Variants in SEC24D observed in about 807,000 individuals in gnomAD.
SEC24D encodes the protein protein transport protein Sec24D.
Under a neutral mutation model 116.9 loss-of-function variants are expected in SEC24D, and 69 were observed. The ratio of observed to expected loss-of-function variants is 0.59; its 90% CI spans 0.49 to 0.72. The LOEUF (loss-of-function observed/expected upper bound fraction) is 0.72, where lower values mean the gene tolerates loss of function less well. SEC24D is among the 30% of genes least tolerant of loss of function. The pLI is 0.00. For synonymous variants in SEC24D, 405 were observed against 442.8 expected, an observed-to-expected ratio of 0.91 and a Z score of 1.07; for missense variants, 1,131 against 1,264.1, an observed-to-expected ratio of 0.89 and a Z score of 1.60.
chr4:118,723,751 T>C, intron 22 of SEC24D, 96 bp from the exon 23 acceptor site: 2 of 1,321,612 alleles, frequency 1.5e-6, no homozygotes, highest in South Asian at 2.8e-5. Context: ...CAAACATTAT[T>C]GAATGCCCAT....
chr4:118,789,228 AG>A (rs1728785984), intron 8 of SEC24D, among the ~76,000 whole-genome samples: 1 of 152,240 alleles, frequency 6.6e-6, no homozygotes, highest in Non-Finnish European at 1.5e-5. Flanking sequence ...CTATTACATA[AG>A]CTGCTATCTT....
chr4:118,723,788 G>A, intron 22 of SEC24D, 133 bp from the exon 23 acceptor site: 1 of 968,346 alleles, frequency 1.0e-6, no homozygotes, highest in East Asian at 2.6e-5. Context: ...GAGGATGATG[G>A]GAAAGTGCCT....
chr4:118,781,010 T>C (rs1404352850), intron 8 of SEC24D, among the ~76,000 whole-genome samples: 2 of 149,606 alleles, frequency 1.3e-5, no homozygotes, highest in Non-Finnish European at 1.5e-5. Context: ...GAAATGGGTC[T>C]CCTGAATACA....
At chr4:118,758,327 C>T (rs1014255228) in intron 10 of SEC24D, 1 of 152,248 alleles carries the variant, frequency 6.6e-6, no homozygotes, top group African/African-American at 2.4e-5. Flanking sequence ...CTTCTATCAA[C>T]TCTTTCCATT....
At chr4:118,740,637 A>C in intron 17 of SEC24D, 26 bp downstream of exon 17, 1 of 1,609,686 alleles carries the variant, frequency 6.2e-7, no homozygotes, top group Non-Finnish European at 8.5e-7. Context: ...TAAAATAACG[A>C]AAGGTGGGAA....
At chr4:118,816,818 T>G (rs1288345126) in intron 4 of SEC24D, 2 of 455,916 alleles carry the variant, frequency 4.4e-6, no homozygotes, top group Non-Finnish European at 8.8e-6. Context: ...CTTTTCTGCC[T>G]CACAACATCT....
At chr4:118,761,410 T>C (rs1411328607) in intron 10 of SEC24D, among the ~76,000 whole-genome samples, 1 of 152,154 alleles carries the variant, frequency 6.6e-6, no homozygotes, top group African/African-American at 2.4e-5. Context: ...CAAACATGTA[T>C]AAAAACCTAA....
Position 118,817,134 on chromosome 4 carries a change from A to ATACATAT in SEC24D, c.397+129_397+130insATATGTA. On this transcript the variant is annotated intron_variant, in intron 4 of 22. Coordinates refer to ENST00000280551, the MANE Select transcript of SEC24D (RefSeq NM_014822.4). ...TACATAAGATAGATGCTTTATTATTAAAAATGTCCAAATACTACTTCAACA... is the reference window on the plus strand; with the variant it reads ...TACATAAGATAGATGCTTTATTATTATACATATAAAATGTCCAAATACTACTTCAACA... The ATACATAT allele has an allele frequency of 4.1e-6, 3 of 725,862 alleles. No homozygotes were observed. In the South Asian group the frequency reaches 6.9e-5, roughly 17 times the overall value. 45.0% of individuals were successfully genotyped at this position (725,862 alleles called of 1,614,324 possible).
At chr4:118,825,090 T>C (rs541264847) in intron 2 of SEC24D, among the ~76,000 whole-genome samples, 1 of 152,316 alleles carries the variant, frequency 6.6e-6, no homozygotes, top group Non-Finnish European at 1.5e-5. Flanking sequence ...AAATGGCAGT[T>C]AGATATCAGA....
At chr4:118,745,566 C>T (rs1578392700) in intron 13 of SEC24D, among the ~76,000 whole-genome samples, 2 of 152,208 alleles carry the variant, frequency 1.3e-5, no homozygotes, top group East Asian at 3.9e-4. Flanking sequence ...CAGTAGACAA[C>T]AGGAACCAGC....
At chr4:118,791,379 T>C (rs941290578) in intron 8 of SEC24D, among the ~76,000 whole-genome samples, 2 of 152,246 alleles carry the variant, frequency 1.3e-5, no homozygotes, top group Non-Finnish European at 2.9e-5. Flanking sequence ...TTTTGCATCC[T>C]AGCTTTGCTA....
In SEC24D at chr4:118,723,474, A is replaced by T. The variant is rs1279082994; in HGVS notation, c.*41T>A. 3.2e-6 allele frequency: 5 copies of T among 1,581,674 alleles called. No homozygotes were observed. The highest frequency in any genetic ancestry group is 3.4e-6 in the Non-Finnish European group (4 of 1,163,818). On this transcript the variant is annotated 3_prime_UTR_variant, in exon 23 of 23. Coordinates refer to ENST00000280551, the MANE Select transcript of SEC24D (RefSeq NM_014822.4). ...AAAATTAGGCACCAAGAAGGAGATT[A>T]TCTCCTTGGAAATGCAACATCAATG...
intron 3 of SEC24D, among the ~76,000 whole-genome samples, chr4:118,823,211 C>T (rs1730467642): frequency 6.6e-6 from 1 of 152,164 alleles, no homozygotes; most frequent in Non-Finnish European, 1.5e-5. Context: ...GACCCTTTGA[C>T]TTCTTGCTCC....
intron 22 of SEC24D, among the ~76,000 whole-genome samples, chr4:118,724,150 A>C (rs936271160): frequency 6.6e-6 from 1 of 152,144 alleles, no homozygotes; most frequent in Non-Finnish European, 1.5e-5. Flanking sequence ...TGTACAATAC[A>C]TTCGTGAGAT....
At chr4:118,739,320 C>G (rs1337931422) in intron 17 of SEC24D, 33 bp from the exon 18 acceptor site, 1 of 1,596,006 alleles carries the variant, frequency 6.3e-7, no homozygotes, top group Non-Finnish European at 8.6e-7. Context: ...ACATGTTTTT[C>G]TGATTAACAT....
chr4:118,816,997 C>G, intron 4 of SEC24D: 1 of 385,556 alleles, frequency 2.6e-6, no homozygotes, highest in Non-Finnish European at 4.7e-6. Flanking sequence ...GTGAAATCAG[C>G]ATTTTTTGTC....
At chr4:118,803,816 T>A (rs1409964101) in intron 7 of SEC24D, among the ~76,000 whole-genome samples, 1 of 152,194 alleles carries the variant, frequency 6.6e-6, no homozygotes, top group Non-Finnish European at 1.5e-5. Flanking sequence ...TTAATGCCTA[T>A]CTCGTAACAT....
intron 6 of SEC24D, among the ~76,000 whole-genome samples, chr4:118,813,610 G>A (rs562119661): frequency 3.9e-5 from 6 of 152,196 alleles, no homozygotes; most frequent in Admixed American, 2.0e-4. Context: ...ATCCATGAAC[G>A]GATTAATCCA....
intron 13 of SEC24D, among the ~76,000 whole-genome samples, chr4:118,745,976 G>C (rs1463784846): frequency 6.6e-6 from 1 of 151,968 alleles, no homozygotes; most frequent in Non-Finnish European, 1.5e-5. Context: ...AGGAGTTTGA[G>C]ACCAGCCCAG....
Sources: allele counts gnomAD v4.1 joint callset (sites outside exome capture counted in the v4.1 genomes callset), GRCh38; gene constraint gnomAD v4.1.1; transcripts MANE v1.5; gene names NCBI Gene and HGNC (gene_info 2026-07-23, HGNC 2026-07-21).